TENM3: variants seen among roughly 807,000 people sequenced by gnomAD.
The protein encoded by TENM3 is teneurin transmembrane protein 3.
Under a neutral mutation model 255.1 loss-of-function variants are expected in TENM3, and 63 were observed. The observed-to-expected ratio is 0.25, with a 90% CI of 0.20 to 0.30. The LOEUF is 0.30. Ranked by LOEUF, TENM3 falls within the 10% of genes least tolerant of loss-of-function variation. The probability of loss-of-function intolerance (pLI) is 1.00; values close to 1 mark genes in which losing one functional copy is unlikely to be tolerated. For synonymous variants in TENM3, 1,306 were observed against 1,322.3 expected (o/e 0.99, Z 0.27); for missense variants, 2,929 against 3,461.1 (o/e 0.85, Z 3.86).
the TENM3 span, among the ~76,000 whole-genome samples, chr4:181,569,781 A>T: frequency 6.6e-6 from 1 of 152,184 alleles, no homozygotes; most frequent in Non-Finnish European, 1.5e-5. Flanking sequence ...TATGTTACAG[A>T]AAAGAACCAG....
the TENM3 span, among the ~76,000 whole-genome samples, chr4:182,056,112 G>A: frequency 2.8e-3 from 428 of 152,044 alleles, 3 homozygotes; most frequent in African/African-American, 0.01. Context: ...AAATGTCAGT[G>A]TCCCCACCAA....
the TENM3 span, among the ~76,000 whole-genome samples, chr4:181,916,909 A>C: frequency 1.6e-3 from 243 of 152,240 alleles, 12 homozygotes; most frequent in South Asian, 0.049. Context: ...AAGCAGCAGG[A>C]CTTGGAATTT....
intron 3 of TENM3, among the ~76,000 whole-genome samples, chr4:182,436,277 C>T (rs560229129): frequency 6.6e-5 from 10 of 152,254 alleles, no homozygotes; most frequent in South Asian, 2.1e-4. Context: ...GTTCCGAGTG[C>T]GTAACCCTGT....
chr4:182,714,002 C>A, intron 12 of TENM3, 85 bp from the exon 13 acceptor site: 9 of 1,109,344 alleles, frequency 8.1e-6, no homozygotes, highest in Middle Eastern at 2.0e-4. Flanking sequence ...AAGGCCTGTT[C>A]CCACTAAGTG....
At chr4:182,702,691 C>T (rs1237368845) in intron 12 of TENM3, among the ~76,000 whole-genome samples, 1 of 151,424 alleles carries the variant, frequency 6.6e-6, no homozygotes, top group African/African-American at 2.4e-5. Context: ...AGCTAGTAAG[C>T]AACAAAATCA....
chr4:182,733,779 T>G (rs1377713219), intron 16 of TENM3, among the ~76,000 whole-genome samples: 1 of 152,202 alleles, frequency 6.6e-6, no homozygotes, highest in Non-Finnish European at 1.5e-5. Flanking sequence ...AGAAGTTCAT[T>G]GTAACCTCAA....
At chr4:181,527,857 A>G in the TENM3 span, among the ~76,000 whole-genome samples, 1 of 151,626 alleles carries the variant, frequency 6.6e-6, no homozygotes, top group East Asian at 1.9e-4. Flanking sequence ...TTTACTCTAT[A>G]AAGCAGTTTG....
chr4:182,641,586 G>A (rs1428423753), intron 5 of TENM3, among the ~76,000 whole-genome samples: 4 of 150,244 alleles, frequency 2.7e-5, no homozygotes, highest in Non-Finnish European at 5.9e-5. Context: ...GGAGTGCAGT[G>A]GTACCATCTC....
intron 1 of TENM3, among the ~76,000 whole-genome samples, chr4:182,229,017 C>G (rs760270314): frequency 1.3e-5 from 2 of 152,086 alleles, no homozygotes; most frequent in South Asian, 4.1e-4. Flanking sequence ...CTGACAGCCC[C>G]GTGTAAATAA....
the TENM3 span, among the ~76,000 whole-genome samples, chr4:181,523,203 G>A: frequency 5.9e-5 from 9 of 151,988 alleles, no homozygotes; most frequent in Admixed American, 1.3e-4. Context: ...GACCACAAGC[G>A]TCTTTTATAT....
chr4:181,546,467 G>A, the TENM3 span, among the ~76,000 whole-genome samples: 2 of 151,270 alleles, frequency 1.3e-5, no homozygotes, highest in South Asian at 2.1e-4. Flanking sequence ...TGTAATCCCA[G>A]CACTTTGGGA....
the TENM3 span, among the ~76,000 whole-genome samples, chr4:181,675,513 T>C: frequency 6.6e-6 from 1 of 152,138 alleles, no homozygotes. Flanking sequence ...TAAAAATATG[T>C]ATGGAATTGT....
the TENM3 span, among the ~76,000 whole-genome samples, chr4:181,542,340 C>T: frequency 1.3e-5 from 2 of 152,246 alleles, no homozygotes; most frequent in South Asian, 4.1e-4. Flanking sequence ...CATCTAAATC[C>T]TGTATGGGGC....
intron 22 of TENM3, among the ~76,000 whole-genome samples, chr4:182,764,215 G>C (rs1763469692): frequency 6.6e-6 from 1 of 152,212 alleles, no homozygotes; most frequent in Non-Finnish European, 1.5e-5. Context: ...AGTTTTCTGT[G>C]CTTTTTGATC....
At chr4:181,851,252 G>T in the TENM3 span, among the ~76,000 whole-genome samples, 6 of 152,054 alleles carry the variant, frequency 3.9e-5, no homozygotes, top group East Asian at 1.9e-4. Context: ...CTACTTGCAG[G>T]TTCCATATCG....
the TENM3 span, among the ~76,000 whole-genome samples, chr4:181,608,131 G>T: frequency 6.6e-6 from 1 of 152,142 alleles, no homozygotes; most frequent in Non-Finnish European, 1.5e-5. Flanking sequence ...ACAAACTCTT[G>T]TTTCTTTAGA....
At chr4:181,962,406 C>T in the TENM3 span, among the ~76,000 whole-genome samples, 4 of 152,192 alleles carry the variant, frequency 2.6e-5, no homozygotes, top group Admixed American at 2.0e-4. Flanking sequence ...CTGTTGCATG[C>T]AATCAAGCAC....
intron 4 of TENM3, among the ~76,000 whole-genome samples, chr4:182,626,524 C>T (rs1346368097): frequency 6.6e-6 from 1 of 152,020 alleles, no homozygotes; most frequent in Non-Finnish European, 1.5e-5. Flanking sequence ...GTTATTATGC[C>T]CTTTTTACAG....
intron 3 of TENM3, among the ~76,000 whole-genome samples, chr4:182,529,044 T>C (rs1393377064): frequency 2.6e-5 from 4 of 152,280 alleles, no homozygotes; most frequent in African/African-American, 9.6e-5. Context: ...TAACAAATTT[T>C]TGTGATTTCT....
Sources: allele counts gnomAD v4.1 joint callset (sites outside exome capture counted in the v4.1 genomes callset), GRCh38; gene constraint gnomAD v4.1.1; transcripts MANE v1.5; gene names NCBI Gene and HGNC (gene_info 2026-07-23, HGNC 2026-07-21).